Variants in CNTRL observed in about 807,000 individuals in gnomAD.
The protein encoded by CNTRL is 110 kDa centrosomal protein.
Under a neutral mutation model 303.7 loss-of-function variants are expected in CNTRL, and 233 were observed. The observed-to-expected ratio is 0.77, with a 90% CI of 0.69 to 0.86. The LOEUF is 0.86. Ranked by LOEUF, CNTRL falls within the 40% of genes least tolerant of loss-of-function variation. The pLI is 0.00. For missense variants in CNTRL, 2,524 were observed against 2,650.6 expected, an observed-to-expected ratio of 0.95 and a Z score of 1.05; for synonymous variants, 900 against 922.2, an observed-to-expected ratio of 0.98 and a Z score of 0.44.
At chr9:121,093,911 A>T (rs2048771402) in intron 4 of CNTRL, among the ~76,000 whole-genome samples, 1 of 152,026 alleles carries the variant, frequency 6.6e-6, no homozygotes, top group South Asian at 2.1e-4. Flanking sequence ...GAAAAAGAAG[A>T]CATTGTGGCT....
chr9:121,112,416 T>A (rs2049786531), intron 8 of CNTRL, 43 bp from the exon 9 acceptor site: 2 of 1,591,274 alleles, frequency 1.3e-6, no homozygotes, highest in Non-Finnish European at 8.6e-7. Flanking sequence ...TTATACTAAC[T>A]TACTGATCCT....
chr9:121,161,765 A>G (rs2052864863), intron 32 of CNTRL, 91 bp from the exon 33 acceptor site: 1 of 917,240 alleles, frequency 1.1e-6, no homozygotes, highest in African/African-American at 1.7e-5. Context: ...ATTGTCTTGT[A>G]TTAGTCAATA....
At chr9:121,145,176 A>G in intron 21 of CNTRL, 68 bp from the exon 22 acceptor site, 1 of 1,499,566 alleles carries the variant, frequency 6.7e-7, no homozygotes, top group Non-Finnish European at 9.0e-7. Flanking sequence ...AATCAAGTTG[A>G]AAGGATAAAT....
chr9:121,150,560 G>T, intron 25 of CNTRL, 77 bp downstream of exon 25: 1 of 1,373,022 alleles, frequency 7.3e-7, no homozygotes. Flanking sequence ...TTAATGAGTT[G>T]ACCTATTTAT....
At chr9:121,102,167 C>T (rs1297676806) in intron 7 of CNTRL, among the ~76,000 whole-genome samples, 2 of 152,142 alleles carry the variant, frequency 1.3e-5, no homozygotes, top group Non-Finnish European at 2.9e-5. Context: ...TACTGGCAAA[C>T]CGAATCCAGC....
chr9:121,166,436 C>G (rs953646340), intron 36 of CNTRL, among the ~76,000 whole-genome samples: 1 of 152,142 alleles, frequency 6.6e-6, no homozygotes, highest in Admixed American at 6.5e-5. Context: ...AGACCAGAGC[C>G]CAGCAGCAGT....
Position 121,157,464 on chromosome 9 carries a change from T to C in CNTRL, c.4366-6T>C. 6.2e-7 allele frequency: 1 copy of C among 1,612,942 alleles called. No individual in the cohort carries two copies. The highest frequency in any genetic ancestry group is 8.5e-7 in the Non-Finnish European group (1 of 1,179,482). On this transcript the variant is annotated splice_polypyrimidine_tract_variant and splice_region_variant and intron_variant, in intron 27 of 43. Transcript: ENST00000373855. ...GAATGGCTTTTAATGACAGTTTCTT[T>C]TCTAGACAAAAAATGCTGTTGAAAA...
At chr9:121,100,546 T>C (rs1040928285) in intron 7 of CNTRL, among the ~76,000 whole-genome samples, 1 of 152,124 alleles carries the variant, frequency 6.6e-6, no homozygotes, top group African/African-American at 2.4e-5. Flanking sequence ...AGGACCAAAT[T>C]CACACATAAC....
intron 42 of CNTRL, among the ~76,000 whole-genome samples, chr9:121,174,052 T>G (rs2053424300): frequency 1.3e-5 from 2 of 152,174 alleles, no homozygotes; most frequent in Admixed American, 1.3e-4. Flanking sequence ...TGTAAGGTTA[T>G]CATAGGCCAG....
intron 4 of CNTRL, 124 bp downstream of exon 4, chr9:121,090,529 T>A (rs1308036840): frequency 1.3e-5 from 11 of 865,304 alleles, no homozygotes; most frequent in Non-Finnish European, 1.9e-5. Context: ...TTCCAGTGAA[T>A]GTTCTAAATC....
At chr9:121,082,985 A>AC (rs1455085952) in intron 2 of CNTRL, among the ~76,000 whole-genome samples, 14 of 151,496 alleles carry the variant, frequency 9.2e-5, no homozygotes, top group Non-Finnish European at 1.9e-4. Context: ...AAAAAAAAAA[A>AC]ATAGAAAAAG....
Position 121,125,828 on chromosome 9 carries a change from C to T in CNTRL, c.1917C>T (p.Cys639=), listed in dbSNP as rs1339710694. ...AGGCAACTCAGGCCCAGAATGAGTG[C>T]AGGAAGCTGCGGGATGAGAAAGAGA... ...KGQATQAQNE[C]RKLRDEKETL... is the part of the protein sequence containing the mutation. Residue 639 remains cysteine (C), a synonymous_variant, in exon 14 of 44, where the codon TGC becomes TGT. Transcript: ENST00000373855. 6.2e-7 allele frequency: 1 copy of T among 1,614,048 alleles called. No individual in the cohort carries two copies. The highest frequency in any genetic ancestry group is 8.5e-7 in the Non-Finnish European group (1 of 1,180,022).
At chr9:121,084,953 G>T (rs187293217) in intron 2 of CNTRL, among the ~76,000 whole-genome samples, 1 of 152,216 alleles carries the variant, frequency 6.6e-6, no homozygotes, top group East Asian at 1.9e-4. Context: ...ATTTTTATAT[G>T]AAAACATTTA....
At chr9:121,172,603 C>T (rs1438632396) in intron 40 of CNTRL, among the ~76,000 whole-genome samples, 2 of 151,914 alleles carry the variant, frequency 1.3e-5, no homozygotes, top group Non-Finnish European at 2.9e-5. Flanking sequence ...ATTGTGCCAC[C>T]GCCCTCCAGC....
At position 121,144,925 on chromosome 9, in the gene CNTRL, T is replaced by A; in HGVS notation, c.3134T>A (p.Leu1045His). Reference protein sequence around the residue: ...DLTRAEAEIELLQNLLRQKGE... With the variant: ...DLTRAEAEIEHLQNLLRQKGE... Reference sequence around the variant, plus strand: ...ACCCGAGCAGAAGCTGAGATCGAACTCCTGCAGAATCTCCTCAGGCAGAAG... The same window carrying A: ...ACCCGAGCAGAAGCTGAGATCGAACACCTGCAGAATCTCCTCAGGCAGAAG... Residue 1045 changes from leucine to histidine, a missense_variant, in exon 21 of 44, where the codon CTC becomes CAC. Coordinates refer to ENST00000373855, the MANE Select transcript of CNTRL (RefSeq NM_007018.6). 6 of 1,613,578 alleles carry A rather than the reference T, an allele frequency of 3.7e-6. No individual in the cohort carries two copies. In the Admixed American group the frequency reaches 5.0e-5, roughly 13 times the overall value.
intron 9 of CNTRL, 64 bp downstream of exon 9, chr9:121,112,642 G>A (rs1276887640): frequency 6.5e-7 from 1 of 1,528,354 alleles, no homozygotes; most frequent in African/African-American, 1.4e-5. Flanking sequence ...ATGGGGGAGG[G>A]CAGGTGGTGA....
chr9:121,089,901 G>A (rs1238906824), intron 3 of CNTRL, among the ~76,000 whole-genome samples: 1 of 152,048 alleles, frequency 6.6e-6, no homozygotes, highest in East Asian at 1.9e-4. Flanking sequence ...TTTTAAAAAT[G>A]TAAACCACTT....
intron 14 of CNTRL, among the ~76,000 whole-genome samples, chr9:121,130,559 T>C (rs1364147629): frequency 1.3e-5 from 2 of 152,230 alleles, no homozygotes; most frequent in Non-Finnish European, 2.9e-5. Flanking sequence ...CTATCTATTT[T>C]GTTGATCTTT....
rs2051748360 is a variant in CNTRL at position 121,144,904 on chromosome 9, G to A, written c.3113G>A (p.Arg1038Gln). 5.0e-6 allele frequency: 8 copies of A among 1,613,368 alleles called. No individual in the cohort carries two copies. Among genetic ancestry groups the A allele is most frequent in the Non-Finnish European group, 5.9e-6 (7 of 1,179,932 alleles). Residue 1038 changes from arginine to glutamine, a missense_variant, in exon 21 of 44, where the codon CGA (arginine) becomes CAA (glutamine). Transcript: ENST00000373855. ...GCACAAGCAGCCAGAGATCTCACCC[G>A]AGCAGAAGCTGAGATCGAACTCCTG... ...KAAQAARDLT[R>Q]AEAEIELLQN...
Sources: gnomAD v4.1 joint callset for allele counts (sites outside exome capture counted in the v4.1 genomes callset) on GRCh38, gnomAD v4.1.1 for gene constraint, MANE v1.5 for transcripts, NCBI Gene and HGNC (gene_info 2026-07-23, HGNC 2026-07-21) for gene names.